Variants in PLCB4 observed in about 807,000 individuals in gnomAD.
PLCB4 encodes 1-phosphatidylinositol 4,5-bisphosphate phosphodiesterase beta-4.
PLCB4 carries 77 observed loss-of-function variants against 178.8 expected under a neutral mutation model. The ratio of observed to expected loss-of-function variants is 0.43; its 90% CI spans 0.36 to 0.52. PLCB4 has a LOEUF of 0.52. Ranked by LOEUF, PLCB4 falls within the 20% of genes least tolerant of loss-of-function variation. PLCB4 has a pLI of 0.00. For synonymous variants in PLCB4, 496 were observed against 490.8 expected (o/e 1.01, Z -0.14); for missense variants, 1,024 against 1,453.4 (o/e 0.70, Z 4.80).
At chr20:9,089,435 A>G (rs6108254) in intron 1 of PLCB4, among the ~76,000 whole-genome samples, 75,171 of 151,826 alleles carry the variant, frequency 0.5, 19,018 homozygotes, top group Middle Eastern at 0.57. Flanking sequence ...CTTTAATCTA[A>G]TTATAATAGG....
intron 35 of PLCB4, among the ~76,000 whole-genome samples, chr20:9,462,129 G>C (rs1327230136): frequency 6.6e-6 from 1 of 152,194 alleles, no homozygotes; most frequent in Non-Finnish European, 1.5e-5. Context: ...ACAGGGTCTG[G>C]AGTGGACCTC....
chr20:9,442,539 T>TGA (rs1220753719), intron 30 of PLCB4, among the ~76,000 whole-genome samples: 1 of 152,014 alleles, frequency 6.6e-6, no homozygotes, highest in East Asian at 1.9e-4. Context: ...AAATAAAAAT[T>TGA]GAGAGAGAGA....
chr20:9,118,012 A>G (rs2091837362), intron 2 of PLCB4, among the ~76,000 whole-genome samples: 1 of 151,644 alleles, frequency 6.6e-6, no homozygotes, highest in Admixed American at 6.6e-5. Context: ...TAGAATATAA[A>G]GTCCTCAAAA....
At chr20:9,285,719 A>G (rs1334936195) in intron 3 of PLCB4, among the ~76,000 whole-genome samples, 2 of 152,022 alleles carry the variant, frequency 1.3e-5, no homozygotes, top group African/African-American at 4.8e-5. Context: ...TAAGCAAAAA[A>G]GTTGTTTTAG....
chr20:9,085,410 A>C (rs2090364573), intron 1 of PLCB4, among the ~76,000 whole-genome samples: 1 of 152,216 alleles, frequency 6.6e-6, no homozygotes, highest in Non-Finnish European at 1.5e-5. Flanking sequence ...TGTAGCTAGC[A>C]CGTAGTAGGC....
intron 4 of PLCB4, among the ~76,000 whole-genome samples, chr20:9,336,091 G>A (rs2148053616): frequency 6.6e-6 from 1 of 152,176 alleles, no homozygotes; most frequent in South Asian, 2.1e-4. Flanking sequence ...TTGTTTTAAG[G>A]CACTGCCTTG....
rs372334571 is a variant in PLCB4 at position 9,351,807 on chromosome 20, TATG to T, written c.370-11086_370-11084del. Among the ~76,000 whole-genome samples, 37 of 152,352 alleles carry T rather than the reference TATG, an allele frequency of 2.4e-4. No individual in the cohort carries two copies. The East Asian group carries it at 6.9e-3, about 29-fold the overall frequency. On this transcript the variant is annotated intron_variant, in intron 7 of 39. Coordinates refer to ENST00000378473, the MANE Select transcript of PLCB4 (RefSeq NM_001377142.1). ...TTATATTGATCTCAGACTAAGCAGG[TATG>T]ATTGTCATCAAGTTGAAATACTATT... is the stretch of plus-strand genomic sequence containing the variant.
chr20:9,434,859 A>G (rs556720585), intron 28 of PLCB4, among the ~76,000 whole-genome samples: 1 of 152,176 alleles, frequency 6.6e-6, no homozygotes, highest in Non-Finnish European at 1.5e-5. Context: ...TGTATAAATT[A>G]TGGATGGTTT....
chr20:9,327,164 T>C (rs928021920), intron 4 of PLCB4, among the ~76,000 whole-genome samples: 1 of 151,334 alleles, frequency 6.6e-6, no homozygotes, highest in South Asian at 2.1e-4. Context: ...CTGGGCCAGG[T>C]GCAGTGGCTC....
intron 38 of PLCB4, among the ~76,000 whole-genome samples, chr20:9,474,299 T>G (rs984883609): frequency 9.9e-5 from 15 of 152,196 alleles, no homozygotes; most frequent in Non-Finnish European, 2.1e-4. Context: ...AAATGTATTT[T>G]TATCTGGTGC....
At chr20:9,087,173 A>T (rs1352314875) in intron 1 of PLCB4, among the ~76,000 whole-genome samples, 2 of 152,212 alleles carry the variant, frequency 1.3e-5, no homozygotes, top group Non-Finnish European at 2.9e-5. Context: ...TTTACATTTA[A>T]AGTTGTTGAC....
intron 3 of PLCB4, among the ~76,000 whole-genome samples, chr20:9,303,361 G>A (rs1043086656): frequency 6.6e-6 from 1 of 152,092 alleles, no homozygotes; most frequent in African/African-American, 2.4e-5. Context: ...CTCAGCCTTT[G>A]GTAACCACTG....
chr20:9,266,226 C>T (rs2094347557), intron 3 of PLCB4, among the ~76,000 whole-genome samples: 2 of 152,104 alleles, frequency 1.3e-5, no homozygotes, highest in Non-Finnish European at 2.9e-5. Flanking sequence ...GTCTCTGCCC[C>T]AGATCTACTG....
At chr20:9,382,635 G>A (rs1334946627) in intron 13 of PLCB4, among the ~76,000 whole-genome samples, 3 of 152,118 alleles carry the variant, frequency 2.0e-5, no homozygotes, top group Admixed American at 2.0e-4. Flanking sequence ...GGGTGTGCAC[G>A]TGGCTTGCTC....
At chr20:9,325,780 A>T (rs2030417201) in intron 4 of PLCB4, among the ~76,000 whole-genome samples, 2 of 152,224 alleles carry the variant, frequency 1.3e-5, no homozygotes, top group Admixed American at 1.3e-4. Flanking sequence ...CCCCAGATTC[A>T]ATCATAGTTA....
chr20:9,450,771 C>T (rs1281454103), intron 32 of PLCB4, among the ~76,000 whole-genome samples: 3 of 150,258 alleles, frequency 2.0e-5, no homozygotes, highest in South Asian at 4.2e-4. Context: ...CCCTCAGCCT[C>T]CAGAGTAGCT....
At chr20:9,105,580 CAAT>C (rs1435446814) in intron 2 of PLCB4, among the ~76,000 whole-genome samples, 1 of 151,902 alleles carries the variant, frequency 6.6e-6, no homozygotes, top group South Asian at 2.1e-4. Context: ...TATTTTAAGT[CAAT>C]GATGATTGAA....
At chr20:9,175,170 A>G (rs2093133763) in intron 2 of PLCB4, among the ~76,000 whole-genome samples, 2 of 152,198 alleles carry the variant, frequency 1.3e-5, no homozygotes, top group South Asian at 4.1e-4. Context: ...ACTGGATCAG[A>G]AGCTCTGGGG....
intron 28 of PLCB4, among the ~76,000 whole-genome samples, chr20:9,427,368 G>GA (rs141887905): frequency 0.021 from 2,722 of 131,512 alleles, 35 homozygotes; most frequent in Non-Finnish European, 0.029. Flanking sequence ...TCTCCTATCA[G>GA]AAAAAAAAAA....
Sources: gnomAD v4.1 joint callset for allele counts (sites outside exome capture counted in the v4.1 genomes callset) on GRCh38, gnomAD v4.1.1 for gene constraint, MANE v1.5 for transcripts, NCBI Gene and HGNC (gene_info 2026-07-23, HGNC 2026-07-21) for gene names.